VRK3: variants seen among roughly 807,000 people sequenced by gnomAD.
The protein encoded by VRK3 is VRK serine/threonine kinase 3.
Under a neutral mutation model 60.4 loss-of-function variants are expected in VRK3, and 50 were observed. That is an observed-to-expected ratio of 0.83 (90% CI 0.66 to 1.05). VRK3 has a LOEUF of 1.05. VRK3 is among the 50% of genes least tolerant of loss of function. The pLI is 0.00. For synonymous variants in VRK3, 246 were observed against 227.8 expected, an observed-to-expected ratio of 1.08 and a Z score of -0.72; for missense variants, 549 against 585.3, an observed-to-expected ratio of 0.94 and a Z score of 0.64.
At chr19:49,994,241 C>T (rs930778154) in intron 9 of VRK3, among the ~76,000 whole-genome samples, 2 of 152,120 alleles carry the variant, frequency 1.3e-5, no homozygotes, top group African/African-American at 4.8e-5. Flanking sequence ...ATAGTTTGTG[C>T]AACTGTTTGA....
At chr19:50,001,363 G>A (rs28492981) in intron 5 of VRK3, 8,002 of 154,814 alleles carry the variant, frequency 0.052, 693 homozygotes, top group African/African-American at 0.18. Context: ...AATTAGGTGC[G>A]TCCTAGGCAG....
At chr19:49,989,536 C>T (rs529357590) in intron 11 of VRK3, 103 bp downstream of exon 11, 2 of 1,444,896 alleles carry the variant, frequency 1.4e-6, no homozygotes, top group East Asian at 5.0e-5. Flanking sequence ...CCCTTAGTGC[C>T]TCTCCTGTCT....
intron 13 of VRK3, 48 bp downstream of exon 13, chr19:49,980,907 C>T (rs746517426): frequency 6.4e-7 from 1 of 1,565,782 alleles, no homozygotes; most frequent in Non-Finnish European, 8.7e-7. Flanking sequence ...TCTGAGCCAC[C>T]AGGTCCTGCC....
intron 10 of VRK3, among the ~76,000 whole-genome samples, chr19:49,989,982 C>T (rs573769151): frequency 9.2e-5 from 14 of 152,248 alleles, no homozygotes; most frequent in African/African-American, 3.1e-4. Context: ...AACCCATCGC[C>T]CAGAAATAAC....
At chr19:50,018,608 T>C (rs1231912427) in intron 2 of VRK3, among the ~76,000 whole-genome samples, 1 of 152,250 alleles carries the variant, frequency 6.6e-6, no homozygotes, top group African/African-American at 2.4e-5. Flanking sequence ...TGGTCAAGTA[T>C]CTTTTACTCT....
chr19:50,004,599 C>A (rs2076863196), intron 5 of VRK3, among the ~76,000 whole-genome samples: 1 of 152,186 alleles, frequency 6.6e-6, no homozygotes, highest in African/African-American at 2.4e-5. Flanking sequence ...GGCAGCATTA[C>A]ATGGGTAAGA....
chr19:50,009,262 G>T lies in VRK3; in HGVS notation c.263C>A (p.Thr88Asn), dbSNP rs1173587131. 1.2e-6 allele frequency: 2 copies of T among 1,614,164 alleles called. No homozygotes were observed. The highest frequency in any genetic ancestry group is 2.2e-5 in the South Asian group (2 of 91,074). The part of the protein sequence containing the change: ...SDGDSSESED[T>N]LSSSERSKGS... Reference sequence around the variant, plus strand: ...TTTGGATCTCTCAGAGGAACTCAGAGTATCTTCAGACTCAGAACTGTCACC... The same window carrying T: ...TTTGGATCTCTCAGAGGAACTCAGATTATCTTCAGACTCAGAACTGTCACC... The change falls in exon 4 of 15, where the codon ACT becomes AAT. Residue 88 changes from threonine (T) to asparagine (N), a missense_variant. By Grantham distance (65) the Thr-to-Asn change is moderately conservative. Coordinates refer to ENST00000316763, the MANE Select transcript of VRK3 (RefSeq NM_016440.4).
chr19:50,011,874 A>C (rs1600712871), intron 3 of VRK3, among the ~76,000 whole-genome samples: 3 of 145,926 alleles, frequency 2.1e-5, no homozygotes, highest in Non-Finnish European at 3.0e-5. Context: ...AATGTTCCTC[A>C]CTCCTCCAGT....
chr19:50,000,397 G>A (rs1162259764), intron 6 of VRK3: 1 of 226,024 alleles, frequency 4.4e-6, no homozygotes, highest in African/African-American at 2.3e-5. Context: ...GTTCTCTTTT[G>A]GACCCCACAC....
chr19:49,993,757 C>G (rs1356366339), intron 9 of VRK3, among the ~76,000 whole-genome samples: 2 of 152,188 alleles, frequency 1.3e-5, no homozygotes, highest in East Asian at 3.9e-4. Flanking sequence ...ATATCCCCAA[C>G]CCTCTTTGAC....
At chr19:49,995,932 A>AT in intron 7 of VRK3, among the ~76,000 whole-genome samples, 1 of 149,438 alleles carries the variant, frequency 6.7e-6, no homozygotes. Flanking sequence ...TTTATTTTTT[A>AT]TTTTTTTTGA....
In VRK3 at chr19:49,992,130, G is replaced by A. The variant is rs562103488; in HGVS notation, c.963+730C>T. ...ATCAAAAAACAGGTGCATTTTGGCC[G>A]GGCACGGTGGCTCAGGCCTGTAATC... On this transcript the variant is annotated intron_variant, in intron 10 of 14. Coordinates refer to ENST00000316763, the MANE Select transcript of VRK3 (RefSeq NM_016440.4). 7.7e-4 allele frequency among the ~76,000 whole-genome samples: 117 copies of A among 152,050 alleles called. 1 individual carries two copies. Among genetic ancestry groups the A allele is most frequent in the Middle Eastern group, 6.9e-3 (2 of 290 alleles).
At chr19:50,003,720 C>T (rs925522037) in intron 5 of VRK3, among the ~76,000 whole-genome samples, 3 of 152,260 alleles carry the variant, frequency 2.0e-5, no homozygotes, top group Non-Finnish European at 2.9e-5. Flanking sequence ...TACAACTCCA[C>T]CATCTCTTCT....
At position 50,013,569 on chromosome 19, in the gene VRK3, C is replaced by T. The variant is rs537856631; in HGVS notation, c.139+2455G>A. ...CCATGTATGCTGACTGCCTTCTGCA[C>T]AACTGTCCGATGGATAAACCTTCTT... On this transcript the variant is annotated intron_variant, in intron 3 of 14. Transcript: ENST00000316763. Among the ~76,000 whole-genome samples, 9 of 152,336 alleles carry T rather than the reference C, an allele frequency of 5.9e-5. No individual in the cohort carries two copies. In the South Asian group the frequency reaches 1.4e-3, roughly 25 times the overall value.
rs72395603 is a variant in VRK3 at position 49,991,535 on chromosome 19, G to GCA, written c.963+1323_963+1324dup. Among the ~76,000 whole-genome samples, 7 of 149,754 alleles carry GCA rather than the reference G, an allele frequency of 4.7e-5. 1 individual carries two copies. The highest frequency in any genetic ancestry group is 6.8e-3 in the Middle Eastern group (2 of 294). ...TAAATCTCTACACACACACACACAC[G>GCA]CACACACACACACACCCTGCCAGTT... On this transcript the variant is annotated intron_variant, in intron 10 of 14. Transcript: ENST00000316763.
intron 1 of VRK3, among the ~76,000 whole-genome samples, chr19:50,022,316 C>T (rs80108764): frequency 0.011 from 1,660 of 152,318 alleles, 26 homozygotes; most frequent in African/African-American, 0.038. Context: ...GTGCCACCCC[C>T]GGTTCTGACA....
intron 1 of VRK3, among the ~76,000 whole-genome samples, chr19:50,024,430 C>T (rs971609711): frequency 6.6e-6 from 1 of 152,176 alleles, no homozygotes; most frequent in African/African-American, 2.4e-5. Context: ...AGTTGCAAAA[C>T]AGAGAAAAAG....
chr19:49,994,035 T>C (rs2076657965), intron 9 of VRK3, among the ~76,000 whole-genome samples: 1 of 152,076 alleles, frequency 6.6e-6, no homozygotes, highest in Non-Finnish European at 1.5e-5. Flanking sequence ...CGAGGCCCCG[T>C]GTGATGTGGT....
rs568766782 is a variant in VRK3 at position 49,983,803 on chromosome 19, T to C, written c.1218-2790A>G. On this transcript the variant is annotated intron_variant, in intron 12 of 14. Transcript: ENST00000316763. The stretch of plus-strand genomic sequence containing the variant: ...CTTAGGGTGCCAGGAAACGAGCATG[T>C]AGCAACATCGCCCCCTTGTGGTCCC... Among the ~76,000 whole-genome samples, 62 of 152,320 alleles carry C rather than the reference T, an allele frequency of 4.1e-4. 3 individuals carry two copies. The South Asian group carries it at 0.012, about 28-fold the overall frequency.
Sources: gnomAD v4.1 joint callset for allele counts (sites outside exome capture counted in the v4.1 genomes callset) on GRCh38, gnomAD v4.1.1 for gene constraint, MANE v1.5 for transcripts, NCBI Gene and HGNC (gene_info 2026-07-23, HGNC 2026-07-21) for gene names.